Variants in RTF1 observed in about 807,000 individuals in gnomAD.
RTF1 encodes RNA polymerase-associated protein RTF1 homolog.
In RTF1, 10 loss-of-function variants were observed where a neutral mutation model predicts 95.7. The ratio of observed to expected loss-of-function variants is 0.10; its 90% CI spans 0.06 to 0.18. The LOEUF is 0.18. RTF1 is among the 10% of genes least tolerant of loss of function. RTF1 has a pLI of 1.00. For missense variants in RTF1, 458 were observed against 875.6 expected (o/e 0.52, Z 6.02); for synonymous variants, 305 against 311.8 (o/e 0.98, Z 0.23).
intron 4 of RTF1, among the ~76,000 whole-genome samples, chr15:41,464,216 A>G (rs1595436984): frequency 6.7e-6 from 1 of 150,236 alleles, no homozygotes; most frequent in South Asian, 2.1e-4. Flanking sequence ...AGTGGCGCAG[A>G]TGAGTACAGC....
At chr15:41,474,454 C>T in intron 8 of RTF1, 166 bp from the exon 9 acceptor site, 2 of 612,158 alleles carry the variant, frequency 3.3e-6, no homozygotes, top group South Asian at 4.2e-5. Flanking sequence ...GCTTGGCCAT[C>T]TGGATTCTAA....
rs1404499496 is a variant in RTF1 at position 41,480,878 on chromosome 15, G to A, written c.*191G>A. 2 of 583,940 alleles carry A rather than the reference G, an allele frequency of 3.4e-6. No homozygotes were observed. The highest frequency in any genetic ancestry group is 6.1e-6 in the Non-Finnish European group (2 of 326,154). The allele number at this position is 583,940 out of a possible 1,614,324, so 36.2% of individuals were successfully genotyped here. The stretch of plus-strand genomic sequence containing the variant: ...TTTGTCTGCACACCATCTCCCACCA[G>A]CCTCCCCTCCCCCAGGGCCCCACCC... On this transcript the variant is annotated 3_prime_UTR_variant, in exon 18 of 18. Transcript: ENST00000389629.
chr15:41,441,661 T>C (rs1190818406), intron 2 of RTF1, among the ~76,000 whole-genome samples: 1 of 152,194 alleles, frequency 6.6e-6, no homozygotes, highest in Non-Finnish European at 1.5e-5. Flanking sequence ...ACTGCTCATC[T>C]TAGAACACTA....
intron 1 of RTF1, among the ~76,000 whole-genome samples, chr15:41,427,145 ATT>A (rs1225127893): frequency 0.2 from 15,749 of 77,714 alleles, 1,211 homozygotes; most frequent in Non-Finnish European, 0.23. Context: ...TGGTCTACAA[ATT>A]TTTTTTTTTT....
chr15:41,475,446 C>G, intron 9 of RTF1, 79 bp from the exon 10 acceptor site: 2 of 1,082,594 alleles, frequency 1.8e-6, no homozygotes, highest in Non-Finnish European at 2.9e-6. Context: ...ATAGGTGGTA[C>G]ATAGTCTGGT....
chr15:41,436,287 T>TAA (rs746306495), intron 1 of RTF1, among the ~76,000 whole-genome samples: 28 of 95,188 alleles, frequency 2.9e-4, no homozygotes, highest in African/African-American at 4.1e-4. Context: ...CCGTCTCTAC[T>TAA]AAAAAAAAAA....
rs543838435 is a variant in RTF1 at position 41,461,308 on chromosome 15, A to G, written c.662+3432A>G. Among the ~76,000 whole-genome samples the G allele has an allele frequency of 2.0e-5, 3 of 151,420 alleles. No individual in the cohort carries two copies. In the East Asian group the frequency reaches 5.9e-4, roughly 30 times the overall value. On this transcript the variant is annotated intron_variant, in intron 4 of 17. Transcript: ENST00000389629. ...ATGATCCACCCGCCTCTGCCTCCCA[A>G]AGTGCTGGGATTACAGGCGTAAGCC... is the stretch of plus-strand genomic sequence containing the variant.
At position 41,480,598 on chromosome 15, in the gene RTF1, A is replaced by G; in HGVS notation, c.2044A>G (p.Ile682Val). Residue 682 changes from isoleucine (I) to valine (V), a missense_variant, in exon 18 of 18, where the codon ATC (isoleucine) becomes GTC (valine). This residue lies in a region of RTF1 where 50 missense variants were observed against 100.0 expected (regional missense o/e 0.50). Coordinates refer to ENST00000389629, the MANE Select transcript of RTF1 (RefSeq NM_015138.5). ...VPSSESKALA[I>V]TSKAPPAKDG... ...TCCCACAGAGTCAAAGGCTTTAGCC[A>G]TCACCTCCAAGGCTCCGCCAGCCAA... 6.2e-6 allele frequency: 10 copies of G among 1,614,034 alleles called. No homozygotes were observed. Among genetic ancestry groups the G allele is most frequent in the Non-Finnish European group, 8.5e-6 (10 of 1,179,886 alleles).
chr15:41,422,819 A>G (rs1174544638), intron 1 of RTF1, among the ~76,000 whole-genome samples: 5 of 152,202 alleles, frequency 3.3e-5, no homozygotes, highest in Admixed American at 2.0e-4. Context: ...TCTGTCACCC[A>G]GGCTGGAGTG....
At chr15:41,477,661 A>G (rs1490545991) in intron 14 of RTF1, 146 bp downstream of exon 14, 15 of 690,406 alleles carry the variant, frequency 2.2e-5, no homozygotes, top group Non-Finnish European at 3.6e-5. Context: ...GTCCACGTAC[A>G]TCGATATAAT....
At chr15:41,469,198 C>A (rs1016328418) in intron 6 of RTF1, among the ~76,000 whole-genome samples, 1 of 152,124 alleles carries the variant, frequency 6.6e-6, no homozygotes, top group Non-Finnish European at 1.5e-5. Flanking sequence ...AACTCCTGAC[C>A]TTAAGTGATC....
chr15:41,418,740 C>T (rs529265029), intron 1 of RTF1, among the ~76,000 whole-genome samples: 1 of 134,108 alleles, frequency 7.5e-6, no homozygotes, highest in Non-Finnish European at 1.5e-5. Context: ...ACCCGGGAGG[C>T]GGAGGTTGCA....
At chr15:41,435,013 T>C (rs2050694951) in intron 1 of RTF1, among the ~76,000 whole-genome samples, 1 of 150,044 alleles carries the variant, frequency 6.7e-6, no homozygotes, top group Non-Finnish European at 1.5e-5. Context: ...CATGCTGGAG[T>C]GCAGTGGCGT....
chr15:41,457,367 C>G (rs1213293907), intron 3 of RTF1, among the ~76,000 whole-genome samples: 2 of 152,000 alleles, frequency 1.3e-5, no homozygotes, highest in Admixed American at 1.3e-4. Flanking sequence ...AACCCCGTCT[C>G]CAATAAAAAT....
chr15:41,461,147 A>G (rs989850089), intron 4 of RTF1, among the ~76,000 whole-genome samples: 1 of 151,778 alleles, frequency 6.6e-6, no homozygotes, highest in African/African-American at 2.4e-5. Flanking sequence ...GGTTCAAGCA[A>G]TTCTCCTGCC....
At chr15:41,466,965 A>G (rs937102221) in intron 6 of RTF1, among the ~76,000 whole-genome samples, 5 of 152,210 alleles carry the variant, frequency 3.3e-5, no homozygotes, top group African/African-American at 9.6e-5. Context: ...TGTTGTTGTC[A>G]TTGTTGCTTG....
intron 1 of RTF1, among the ~76,000 whole-genome samples, chr15:41,428,286 G>A (rs1178049460): frequency 7.2e-5 from 1 of 13,944 alleles, no homozygotes; most frequent in Non-Finnish European, 1.4e-4. Context: ...TTTTTTTTTT[G>A]AGATGGAGTC....
At chr15:41,448,976 G>A (rs946148188) in intron 2 of RTF1, 1 of 150,800 alleles carries the variant, frequency 6.6e-6, no homozygotes, top group Non-Finnish European at 1.5e-5. Flanking sequence ...CCTGGACCTC[G>A]TGGGCTCAAG....
intron 1 of RTF1, among the ~76,000 whole-genome samples, chr15:41,433,243 A>G (rs2050684679): frequency 6.6e-6 from 1 of 152,114 alleles, no homozygotes; most frequent in South Asian, 2.1e-4. Flanking sequence ...GTGAGAGTCC[A>G]TCTCAAAAAA....
Sources: gnomAD v4.1 joint callset for allele counts (sites outside exome capture counted in the v4.1 genomes callset) on GRCh38, gnomAD v4.1.1 for gene constraint, gnomAD v4.1.1 regional missense constraint, MANE v1.5 for transcripts, NCBI Gene and HGNC (gene_info 2026-07-23, HGNC 2026-07-21) for gene names.